The following SLC44A5 variants were observed in gnomAD, a reference collection of about 807,000 sequenced individuals.
The protein encoded by SLC44A5 is choline transporter-like protein 5.
SLC44A5 carries 57 observed loss-of-function variants against 101.8 expected under a neutral mutation model. The observed-to-expected ratio is 0.56, with a 90% confidence interval of 0.45 to 0.70. The LOEUF (loss-of-function observed/expected upper bound fraction) is 0.70, where lower values mean the gene tolerates loss of function less well. Ranked by LOEUF, SLC44A5 falls within the 30% of genes least tolerant of loss-of-function variation. SLC44A5 has a pLI of 0.00. For missense variants in SLC44A5, 737 were observed against 853.1 expected (o/e 0.86, Z 1.70); for synonymous variants, 281 against 290.9 (o/e 0.97, Z 0.35).
chr1:75,607,938 T>C (rs1425524154), intron 1 of SLC44A5, among the ~76,000 whole-genome samples: 1 of 152,022 alleles, frequency 6.6e-6, no homozygotes, highest in Non-Finnish European at 1.5e-5. Flanking sequence ...ATGCTGTATA[T>C]TATGTCCCCA....
At chr1:75,680,585 C>T in the SLC44A5 span, among the ~76,000 whole-genome samples, 1 of 151,134 alleles carries the variant, frequency 6.6e-6, no homozygotes, top group Admixed American at 6.6e-5. Flanking sequence ...CACAACATAC[C>T]AGAATCTCTG....
chr1:75,578,828 T>A (rs1380928748), intron 1 of SLC44A5, among the ~76,000 whole-genome samples: 1 of 152,214 alleles, frequency 6.6e-6, no homozygotes, highest in Non-Finnish European at 1.5e-5. Context: ...AGATATGTTA[T>A]CAGGCTTGAT....
At chr1:75,214,252 C>A (rs1646917418) in intron 20 of SLC44A5, among the ~76,000 whole-genome samples, 1 of 151,856 alleles carries the variant, frequency 6.6e-6, no homozygotes, top group Non-Finnish European at 1.5e-5. Context: ...CTATAGACAC[C>A]CTGAGTCCTG....
the SLC44A5 span, among the ~76,000 whole-genome samples, chr1:75,684,760 T>C: frequency 6.6e-6 from 1 of 152,144 alleles, no homozygotes; most frequent in Non-Finnish European, 1.5e-5. Flanking sequence ...CAGGCTGGTG[T>C]TGAGTGTCTG....
intron 3 of SLC44A5, among the ~76,000 whole-genome samples, chr1:75,349,793 T>C (rs1411897235): frequency 2.0e-5 from 3 of 152,192 alleles, no homozygotes; most frequent in Non-Finnish European, 2.9e-5. Flanking sequence ...TGAAATATTA[T>C]GGACTTTGGT....
At chr1:75,536,729 G>A (rs1418880789) in intron 2 of SLC44A5, among the ~76,000 whole-genome samples, 2 of 147,410 alleles carry the variant, frequency 1.4e-5, no homozygotes, top group African/African-American at 2.5e-5. Context: ...TATCTAGGCC[G>A]GGCGCGGTGG....
rs1659238297 is a variant in SLC44A5, at chr1:75,358,407, A to G, written c.53-18777T>C. On this transcript the variant is annotated intron_variant, in intron 3 of 23. Coordinates refer to ENST00000370859, the MANE Select transcript of SLC44A5 (RefSeq NM_001130058.2). Reference sequence around the variant, plus strand: ...TTTGGTATGTTAGTCAAAGTTTTGCATTGCATTATTTTTTAAAACTTTTTT... The same window carrying G: ...TTTGGTATGTTAGTCAAAGTTTTGCGTTGCATTATTTTTTAAAACTTTTTT... 2.0e-5 allele frequency among the ~76,000 whole-genome samples: 3 copies of G among 152,178 alleles called. No homozygotes were observed. In the South Asian group the frequency reaches 6.2e-4, roughly 31 times the overall value.
chr1:75,511,129 C>T (rs1447087074), intron 2 of SLC44A5, among the ~76,000 whole-genome samples: 2 of 151,594 alleles, frequency 1.3e-5, no homozygotes, highest in Non-Finnish European at 2.9e-5. Flanking sequence ...GGCGACGGAG[C>T]GAGACTCCGT....
chr1:75,205,482 C>A (rs900851559), intron 23 of SLC44A5: 6 of 152,172 alleles, frequency 3.9e-5, no homozygotes, highest in Non-Finnish European at 8.8e-5. Context: ...CTGATTCATG[C>A]TTTGTTCTGC....
At chr1:75,476,481 G>A (rs1198084866) in intron 2 of SLC44A5, among the ~76,000 whole-genome samples, 1 of 152,200 alleles carries the variant, frequency 6.6e-6, no homozygotes, top group Non-Finnish European at 1.5e-5. Flanking sequence ...AGGGGTCAGG[G>A]AGTTCTCTTT....
intron 3 of SLC44A5, among the ~76,000 whole-genome samples, chr1:75,372,180 GA>G (rs1660270425): frequency 7.5e-6 from 1 of 132,928 alleles, no homozygotes; most frequent in Non-Finnish European, 1.5e-5. Flanking sequence ...CTGGGTGACA[GA>G]GTGAGACTCT....
At chr1:75,546,816 G>A (rs1570583736) in intron 1 of SLC44A5, among the ~76,000 whole-genome samples, 1 of 152,182 alleles carries the variant, frequency 6.6e-6, no homozygotes, top group East Asian at 1.9e-4. Flanking sequence ...CATGGAAAGT[G>A]TGTATTATGA....
chr1:75,645,159 G>A, the SLC44A5 span, among the ~76,000 whole-genome samples: 64 of 152,190 alleles, frequency 4.2e-4, 1 homozygote, highest in Middle Eastern at 3.4e-3. Context: ...GGATGGCTGG[G>A]TCAAATGGTA....
At chr1:75,418,873 A>C (rs1392267398) in intron 2 of SLC44A5, among the ~76,000 whole-genome samples, 1 of 152,180 alleles carries the variant, frequency 6.6e-6, no homozygotes, top group Admixed American at 6.5e-5. Flanking sequence ...GTCCTGCTAT[A>C]AATAACTAGA....
At chr1:75,636,785 G>A in the SLC44A5 span, among the ~76,000 whole-genome samples, 2 of 152,088 alleles carry the variant, frequency 1.3e-5, no homozygotes. Context: ...ATCAGTGTGA[G>A]CTGCAGTAAT....
rs1366605873 is a variant in SLC44A5 at position 75,361,876 on chromosome 1, T to C, written c.53-22246A>G. ...TGGCCTTGTAAAATGAGTTTGGAGG[T>C]ATTCCATTCACTTCAATTTTTTGAA... On this transcript the variant is annotated intron_variant, in intron 3 of 23. Transcript: ENST00000370859. Among the ~76,000 whole-genome samples, 3 of 152,140 alleles carry C rather than the reference T, an allele frequency of 2.0e-5. No homozygotes were observed. In the East Asian group the frequency reaches 5.8e-4, roughly 29 times the overall value.
intron 5 of SLC44A5, among the ~76,000 whole-genome samples, chr1:75,298,732 CA>C (rs1468125038): frequency 3.9e-5 from 6 of 151,936 alleles, no homozygotes; most frequent in Non-Finnish European, 8.8e-5. Context: ...TTTAATAGAC[CA>C]AATTATGGGT....
intron 4 of SLC44A5, among the ~76,000 whole-genome samples, chr1:75,329,440 T>G (rs1656855417): frequency 1.5e-5 from 2 of 133,486 alleles, no homozygotes; most frequent in Non-Finnish European, 3.3e-5. Flanking sequence ...CAAGAAACAT[T>G]TCTTGATTTT....
intron 2 of SLC44A5, among the ~76,000 whole-genome samples, chr1:75,504,701 A>C (rs1366845536): frequency 6.6e-6 from 1 of 152,176 alleles, no homozygotes; most frequent in East Asian, 1.9e-4. Context: ...ATGTAAAATC[A>C]TTGTGGAAGC....
Sources: gnomAD v4.1 joint callset for allele counts (sites outside exome capture counted in the v4.1 genomes callset) on GRCh38, gnomAD v4.1.1 for gene constraint, MANE v1.5 for transcripts, NCBI Gene and HGNC (gene_info 2026-07-23, HGNC 2026-07-21) for gene names.